The following PXDNL variants were observed in gnomAD, a reference collection of about 807,000 sequenced individuals.
The protein encoded by PXDNL is probable oxidoreductase PXDNL.
In PXDNL, 145 loss-of-function variants were observed where a neutral mutation model predicts 150.8. That is an observed-to-expected ratio of 0.96 (90% CI 0.84 to 1.10). The LOEUF (loss-of-function observed/expected upper bound fraction) is 1.10, where lower values mean the gene tolerates loss of function less well. PXDNL is among the 50% of genes least tolerant of loss of function. The pLI, the probability that PXDNL is intolerant of heterozygous loss-of-function variation, is 0.00. For synonymous variants in PXDNL, 757 were observed against 725.7 expected, an observed-to-expected ratio of 1.04 and a Z score of -0.69; for missense variants, 2,087 against 1,873.9, an observed-to-expected ratio of 1.11 and a Z score of -2.10.
At chr8:51,565,740 T>C (rs73588715) in intron 3 of PXDNL, among the ~76,000 whole-genome samples, 10,775 of 151,884 alleles carry the variant, frequency 0.071, 983 homozygotes, top group African/African-American at 0.22. Context: ...GTGCATCAGG[T>C]GAATACATAT....
At chr8:51,803,910 C>T (rs986829146) in intron 1 of PXDNL, among the ~76,000 whole-genome samples, 1 of 152,202 alleles carries the variant, frequency 6.6e-6, no homozygotes, top group African/African-American at 2.4e-5. Flanking sequence ...TTCTGAGCCC[C>T]TACCCCTTCT....
intron 4 of PXDNL, among the ~76,000 whole-genome samples, chr8:51,523,730 A>G (rs2130394267): frequency 6.6e-6 from 1 of 152,282 alleles, no homozygotes; most frequent in Middle Eastern, 3.4e-3. Context: ...TTTTACTTTA[A>G]GGTTGGCAAG....
chr8:51,744,801 G>GAGAGAAAGAA (rs2036959313), intron 1 of PXDNL, among the ~76,000 whole-genome samples: 1 of 146,352 alleles, frequency 6.8e-6, no homozygotes, highest in Non-Finnish European at 1.5e-5. Flanking sequence ...AAGAGAAAGA[G>GAGAGAAAGAA]AGAGAAAGAA....
intron 4 of PXDNL, among the ~76,000 whole-genome samples, chr8:51,547,113 C>T (rs940324034): frequency 6.6e-6 from 1 of 152,134 alleles, no homozygotes; most frequent in Non-Finnish European, 1.5e-5. Flanking sequence ...CTCTATGGCC[C>T]TGCCCATCAC....
At chr8:51,655,259 T>C (rs1468987497) in intron 1 of PXDNL, among the ~76,000 whole-genome samples, 1 of 152,192 alleles carries the variant, frequency 6.6e-6, no homozygotes, top group Non-Finnish European at 1.5e-5. Flanking sequence ...ACAGAACAAT[T>C]AGTTTGAGAG....
intron 13 of PXDNL, among the ~76,000 whole-genome samples, chr8:51,425,986 G>A (rs1809089541): frequency 6.6e-6 from 1 of 152,146 alleles, no homozygotes; most frequent in Non-Finnish European, 1.5e-5. Flanking sequence ...TTGGAAAACA[G>A]TTTTGTAACC....
At chr8:51,628,330 C>CT (rs146775821) in intron 2 of PXDNL, among the ~76,000 whole-genome samples, 3 of 146,736 alleles carry the variant, frequency 2.0e-5, no homozygotes, top group Middle Eastern at 3.2e-3. Flanking sequence ...CTTCTCTCTT[C>CT]TTCTTTATTT....
At chr8:51,538,867 C>G (rs1020122760) in intron 4 of PXDNL, among the ~76,000 whole-genome samples, 6 of 152,160 alleles carry the variant, frequency 3.9e-5, no homozygotes, top group African/African-American at 1.4e-4. Context: ...AGGGGAAAAT[C>G]ATGCAATTAT....
At chr8:51,515,516 C>G (rs199819379) in intron 4 of PXDNL, among the ~76,000 whole-genome samples, 2 of 152,322 alleles carry the variant, frequency 1.3e-5, no homozygotes, top group East Asian at 3.9e-4. Flanking sequence ...TTAGATGTTT[C>G]TCTTCCCTGT....
At chr8:51,555,095 T>C (rs751923778) in intron 4 of PXDNL, among the ~76,000 whole-genome samples, 4 of 152,178 alleles carry the variant, frequency 2.6e-5, no homozygotes, top group Non-Finnish European at 5.9e-5. Context: ...GAGTAATTCA[T>C]AATGAACAGA....
intron 1 of PXDNL, among the ~76,000 whole-genome samples, chr8:51,689,947 T>C (rs1221807773): frequency 6.6e-6 from 1 of 152,214 alleles, no homozygotes; most frequent in Non-Finnish European, 1.5e-5. Context: ...TTCAATTTCC[T>C]GCCAAACAGC....
chr8:51,719,062 C>A (rs924454661), intron 1 of PXDNL, among the ~76,000 whole-genome samples: 11 of 151,966 alleles, frequency 7.2e-5, no homozygotes, highest in South Asian at 2.1e-4. Context: ...CCGGCCGCCA[C>A]CCCGTCTGGG....
At chr8:51,550,516 G>T (rs1812456478) in intron 4 of PXDNL, among the ~76,000 whole-genome samples, 1 of 151,976 alleles carries the variant, frequency 6.6e-6, no homozygotes, top group Non-Finnish European at 1.5e-5. Flanking sequence ...ATGGATGTAG[G>T]GTTGGTTTAA....
chr8:51,335,728 C>T (rs959027169), intron 21 of PXDNL, among the ~76,000 whole-genome samples: 2 of 149,432 alleles, frequency 1.3e-5, no homozygotes, highest in Non-Finnish European at 3.0e-5. Flanking sequence ...CACATCCATG[C>T]CCTCTCCACA....
rs543807321 is a variant in PXDNL, at chr8:51,400,070, T to C, written c.3557+7997A>G. On this transcript the variant is annotated intron_variant, in intron 17 of 22. Transcript: ENST00000356297. ...AAGCAGATTCTAAAAGTGAAGAATT[T>C]ACATACAGGTTGTGAGTATCCCTTA... is the stretch of plus-strand genomic sequence containing the variant. Among the ~76,000 whole-genome samples the C allele has an allele frequency of 3.9e-5, 6 of 152,346 alleles. No homozygotes were observed. In the East Asian group the frequency reaches 1.2e-3, roughly 29 times the overall value.
At chr8:51,441,567 T>C (rs1809548986) in intron 12 of PXDNL, among the ~76,000 whole-genome samples, 1 of 152,202 alleles carries the variant, frequency 6.6e-6, no homozygotes, top group South Asian at 2.1e-4. Context: ...TCAGTGCCAA[T>C]TTATTTTAGT....
chr8:51,486,790 ATATATTTTTTTTTTTTTTTT>A (rs1451296917), intron 5 of PXDNL, among the ~76,000 whole-genome samples: 2 of 23,962 alleles, frequency 8.3e-5, no homozygotes, highest in African/African-American at 3.5e-4. Flanking sequence ...ATATATATAT[ATATATTTTTTTTTTTTTTTT>A]TTTTTTTTTT....
intron 2 of PXDNL, among the ~76,000 whole-genome samples, chr8:51,614,060 C>T (rs535396821): frequency 2.4e-4 from 37 of 152,238 alleles, no homozygotes; most frequent in Non-Finnish European, 4.3e-4. Context: ...ATATTTTGTA[C>T]GCTATTGACT....
intron 17 of PXDNL, among the ~76,000 whole-genome samples, chr8:51,375,041 G>A (rs1423991692): frequency 9.2e-5 from 14 of 152,040 alleles, no homozygotes; most frequent in Admixed American, 9.2e-4. Context: ...ATATATATAT[G>A]CAAGTGTGTG....
Sources: allele counts gnomAD v4.1 joint callset (sites outside exome capture counted in the v4.1 genomes callset), GRCh38; gene constraint gnomAD v4.1.1; transcripts MANE v1.5; gene names NCBI Gene and HGNC (gene_info 2026-07-23, HGNC 2026-07-21).